Variants in GK observed in about 807,000 individuals in gnomAD.
GK encodes the protein glycerol kinase.
A neutral mutation model predicts 56.4 loss-of-function variants in GK; 9 were observed. That is an observed-to-expected ratio of 0.16 (90% CI 0.10 to 0.28). The LOEUF is 0.28. GK is among the 10% of genes least tolerant of loss of function. The probability of loss-of-function intolerance (pLI) is 1.00; values close to 1 mark genes in which losing one functional copy is unlikely to be tolerated. For missense variants in GK, 161 were observed against 431.4 expected, an observed-to-expected ratio of 0.37 and a Z score of 5.55; for synonymous variants, 104 against 144.1, an observed-to-expected ratio of 0.72 and a Z score of 1.99.
chrX:30,714,356 T>C (rs1275273306), intron 13 of GK, among the ~76,000 whole-genome samples: 1 of 111,642 alleles, frequency 9.0e-6, no homozygotes. Flanking sequence ...AGGGCTGCAG[T>C]CAAGATGTTG....
Position 30,653,584 on chromosome X carries a change from T to A in GK, c.47T>A (p.Val16Glu). The change falls in exon 1 of 21, where the codon GTG becomes GAG. Residue 16 changes from valine (V) to glutamate (E), a missense_variant. Val to Glu is a moderately radical substitution (Grantham distance 121, BLOSUM62 -2). Transcript: ENST00000427190. ...GTTTTGGGGCCATTGGTGGGGGCGG[T>A]GGACCAGGGCACCAGTTCGACGCGC... is the stretch of plus-strand genomic sequence containing the variant. ...KAVLGPLVGA[V>E]DQGTSSTRFL... 1 of 1,210,436 alleles carries A rather than the reference T, an allele frequency of 8.3e-7. No homozygotes were observed. Among genetic ancestry groups the A allele is most frequent in the Non-Finnish European group, 1.1e-6 (1 of 894,538 alleles).
At chrX:30,660,820 T>C (rs2147126639) in intron 1 of GK, among the ~76,000 whole-genome samples, 1 of 103,406 alleles carries the variant, frequency 9.7e-6, no homozygotes, top group African/African-American at 3.5e-5. Context: ...TTCTTTTTTT[T>C]TTTTTTTTTC....
At chrX:30,695,137 G>A (rs1025316867) in intron 6 of GK, 3 of 730,333 alleles carry the variant, frequency 4.1e-6, no homozygotes, top group Non-Finnish European at 5.6e-6. Context: ...ATTTCAGTAA[G>A]TATGTAATGA....
At chrX:30,693,737 C>T (rs1315308757) in intron 5 of GK, among the ~76,000 whole-genome samples, 1 of 109,720 alleles carries the variant, frequency 9.1e-6, no homozygotes, top group Non-Finnish European at 1.9e-5. Flanking sequence ...TTAGTAGAGA[C>T]GGGGTTTCAC....
intron 4 of GK, among the ~76,000 whole-genome samples, chrX:30,690,855 A>G (rs953882910): frequency 1.8e-5 from 2 of 112,081 alleles, no homozygotes; most frequent in African/African-American, 6.5e-5. Context: ...TTCTATAAAA[A>G]TAATACAAAA....
intron 4 of GK, among the ~76,000 whole-genome samples, 156 bp downstream of exon 4, chrX:30,677,608 C>T (rs781255518): frequency 1.2e-4 from 13 of 110,897 alleles, no homozygotes; most frequent in Non-Finnish European, 2.1e-4. Flanking sequence ...GGGTGGATCA[C>T]GAGGTCAGGA....
At chrX:30,655,572 G>A (rs1438141002) in intron 1 of GK, among the ~76,000 whole-genome samples, 1 of 112,280 alleles carries the variant, frequency 8.9e-6, no homozygotes, top group African/African-American at 3.2e-5. Flanking sequence ...AGCACTGTGG[G>A]GGCCAAACCA....
In GK at chrX:30,699,873, A is replaced by G. The variant is rs1238276554; in HGVS notation, c.748-541A>G. On this transcript the variant is annotated intron_variant, in intron 9 of 20. Transcript: ENST00000427190. ...GTTGCTTATCTAAATTTGAAGAAAG[A>G]TGTTTGCTATGAACAAATAATATAC... 9.8e-5 allele frequency: 11 copies of G among 112,035 alleles called. No homozygotes were observed. In the Admixed American group the frequency reaches 1.0e-3, roughly 11 times the overall value. 9.2% of individuals were successfully genotyped at this position (112,035 alleles called of 1,213,427 possible). A position where few individuals can be genotyped will look rare whatever the true frequency, so the allele number is the denominator to read the frequency against.
chrX:30,676,648 G>A (rs368129319), intron 3 of GK, among the ~76,000 whole-genome samples: 2 of 111,423 alleles, frequency 1.8e-5, no homozygotes, highest in East Asian at 5.6e-4. Flanking sequence ...CTCCTCAGTT[G>A]ATTCTAAAGT....
At chrX:30,727,876 A>G (rs1353390440) in intron 20 of GK, among the ~76,000 whole-genome samples, 1 of 111,914 alleles carries the variant, frequency 8.9e-6, no homozygotes, top group African/African-American at 3.2e-5. Context: ...AAGTTAAAGT[A>G]TACTTTTGAC....
At chrX:30,691,443 CT>C (rs1489551667) in intron 5 of GK, among the ~76,000 whole-genome samples, 2 of 103,480 alleles carry the variant, frequency 1.9e-5, no homozygotes, top group Non-Finnish European at 2.0e-5. Context: ...GTCCCAGTGG[CT>C]TAAGTCACAC....
intron 4 of GK, among the ~76,000 whole-genome samples, chrX:30,685,355 G>C (rs1275939786): frequency 9.0e-6 from 1 of 111,371 alleles, no homozygotes; most frequent in East Asian, 2.8e-4. Context: ...GGATGGTCTC[G>C]ATCTCCTGAC....
intron 1 of GK, among the ~76,000 whole-genome samples, chrX:30,657,553 G>A (rs137969690): frequency 8.9e-6 from 1 of 112,762 alleles, no homozygotes; most frequent in Non-Finnish European, 1.9e-5. Context: ...CTTGTAATGT[G>A]TTGTGGCTTG....
At chrX:30,677,224 G>C in intron 3 of GK, 151 bp from the exon 4 acceptor site, 1 of 482,370 alleles carries the variant, frequency 2.1e-6, no homozygotes. Context: ...GCCACTCAAA[G>C]AAAATAAACT....
intron 9 of GK, 21 bp downstream of exon 9, chrX:30,697,770 T>C: frequency 8.9e-7 from 1 of 1,122,323 alleles, no homozygotes; most frequent in Non-Finnish European, 1.2e-6. Flanking sequence ...TGCCCGCCAA[T>C]TATGTACCCA....
At chrX:30,707,508 T>C in intron 11 of GK, 48 bp from the exon 12 acceptor site, 2 of 732,321 alleles carry the variant, frequency 2.7e-6, no homozygotes, top group Non-Finnish European at 4.3e-6. Flanking sequence ...GTTTCATTAT[T>C]TGCTTTCAAT....
intron 1 of GK, among the ~76,000 whole-genome samples, chrX:30,658,032 A>G (rs1932429653): frequency 1.8e-5 from 2 of 112,037 alleles, no homozygotes; most frequent in Non-Finnish European, 3.8e-5. Context: ...TAATGGTTGC[A>G]TCATCATTTT....
rs1268709796 is a variant in GK at position 30,730,719 on chromosome X, C to T, written c.*1977C>T. The T allele has an allele frequency of 9.1e-6, 1 of 109,669 alleles. No homozygotes were observed. Among genetic ancestry groups the T allele is most frequent in the Non-Finnish European group, 1.9e-5 (1 of 52,667 alleles). The allele number at this position is 109,669 out of a possible 1,213,427, so 9.0% of individuals were successfully genotyped here. ...CTGTAATCCCAGCACTTTGGGAGGC[C>T]GAGGTGGGCAGATCACCTGAGGTCA... On this transcript the variant is annotated 3_prime_UTR_variant, in exon 21 of 21. Coordinates refer to ENST00000427190, the MANE Select transcript of GK (RefSeq NM_001205019.2).
intron 3 of GK, among the ~76,000 whole-genome samples, chrX:30,671,307 A>AC (rs1356699782): frequency 1.5e-3 from 163 of 108,359 alleles, no homozygotes; most frequent in African/African-American, 5.2e-3. Context: ...AAAAAAAAAA[A>AC]AAAAAAAACA....
Sources: gnomAD v4.1 joint callset for allele counts (sites outside exome capture counted in the v4.1 genomes callset) on GRCh38, gnomAD v4.1.1 for gene constraint, MANE v1.5 for transcripts, NCBI Gene and HGNC (gene_info 2026-07-23, HGNC 2026-07-21) for gene names.